Variants in RSRP1 observed in about 807,000 individuals in gnomAD.
RSRP1 encodes the protein arginine and serine rich protein 1.
A neutral mutation model predicts 33.0 loss-of-function variants in RSRP1; 37 were observed. The observed-to-expected ratio is 1.12, with a 90% CI of 0.86 to 1.48. RSRP1 has a LOEUF of 1.48. Among genes scored for constraint, RSRP1 ranks in the 40% most tolerant of loss-of-function variants. The pLI is 0.00. For missense variants in RSRP1, 402 were observed against 385.3 expected, an observed-to-expected ratio of 1.04 and a Z score of -0.36; for synonymous variants, 167 against 158.7, an observed-to-expected ratio of 1.05 and a Z score of -0.40.
At chr1:25,282,380 C>T (rs1220999012) in intron 1 of RSRP1, among the ~76,000 whole-genome samples, 1 of 131,002 alleles carries the variant, frequency 7.6e-6, no homozygotes, top group African/African-American at 2.6e-5. Context: ...TTACAGGTGC[C>T]CACCACCACA....
chr1:25,245,910 C>T (rs923533327), intron 2 of RSRP1: 1 of 155,124 alleles, frequency 6.4e-6, no homozygotes. Flanking sequence ...ACCACCACCC[C>T]CGGCTAATTT....
At position 25,331,787 on chromosome 1, in the gene RSRP1, T is replaced by G. The variant is rs1645015048; in HGVS notation, c.-67+6191A>C. Among the ~76,000 whole-genome samples, 2 of 110,700 alleles carry G rather than the reference T, an allele frequency of 1.8e-5. 1 individual carries two copies. Among genetic ancestry groups the G allele is most frequent in the Non-Finnish European group, 4.2e-5 (2 of 47,942 alleles). 72.6% of individuals were successfully genotyped at this position (110,700 alleles called of 152,430 possible). ...CGGAGTCTCGCTCTGTTACCCAGGC[T>G]GGAGTGCAGTGGCGCGATCTCGGCT... On this transcript the variant is annotated intron_variant, in intron 1 of 1. Transcript: ENST00000561867.
chr1:25,244,215 C>T, intron 3 of RSRP1: 2 of 1,289,258 alleles, frequency 1.6e-6, no homozygotes, highest in Non-Finnish European at 2.0e-6. Context: ...TCTGTAATCT[C>T]TCAAAACATC....
rs1639525304 is a variant in RSRP1 at position 25,247,166 on chromosome 1, G to A, written c.-66-137C>T. ...CCGCCGCGACAGGAACCGAGCCCTAGAAACCCCGCTCGGCGCCCTGAGGCC... is the reference window on the plus strand; with the variant it reads ...CCGCCGCGACAGGAACCGAGCCCTAAAAACCCCGCTCGGCGCCCTGAGGCC... On this transcript the variant is annotated intron_variant, in intron 1 of 4. Transcript: ENST00000243189. 5.6e-6 allele frequency: 3 copies of A among 540,194 alleles called. No homozygotes were observed. The South Asian group carries it at 1.0e-4, about 18-fold the overall frequency. 33.5% of individuals were successfully genotyped at this position (540,194 alleles called of 1,614,324 possible).
intron 1 of RSRP1, among the ~76,000 whole-genome samples, chr1:25,298,864 ACACG>A (rs2124667106): frequency 7.7e-6 from 1 of 129,454 alleles, no homozygotes; most frequent in Admixed American, 7.5e-5. Flanking sequence ...GAGAAAAGAA[ACACG>A]AAAAGTTGGG....
rs138848224 is a variant in RSRP1, at chr1:25,320,520, A to T, written c.-67+17458T>A. Among the ~76,000 whole-genome samples, 180 of 128,864 alleles carry T rather than the reference A, an allele frequency of 1.4e-3. 1 individual carries two copies. The highest frequency in any genetic ancestry group is 4.5e-3 in the African/African-American group (162 of 36,066). The allele number at this position is 128,864 out of a possible 152,430, so 84.5% of individuals were successfully genotyped here. ...TGGTTGTACCCTGCATGCCAATATC[A>T]GCTAAAAGCAGCACCACGAAAGGGA... On this transcript the variant is annotated intron_variant, in intron 1 of 1. Coordinates refer to the RSRP1 transcript ENST00000561867.
chr1:25,315,976 T>A (rs1361288431), intron 1 of RSRP1, among the ~76,000 whole-genome samples: 2 of 131,490 alleles, frequency 1.5e-5, no homozygotes, highest in East Asian at 3.9e-4. Flanking sequence ...GGCTTGGAGC[T>A]TTGCTTTGTC....
chr1:25,296,910 G>A lies in RSRP1; in HGVS notation c.-67+41068C>T, dbSNP rs1400429810. 6.9e-5 allele frequency among the ~76,000 whole-genome samples: 9 copies of A among 130,466 alleles called. 1 individual carries two copies. The East Asian group carries it at 1.4e-3, about 20-fold the overall frequency. The allele number at this position is 130,466 out of a possible 152,430, so 85.6% of individuals were successfully genotyped here. A position where few individuals can be genotyped will look rare whatever the true frequency, so the allele number is the denominator to read the frequency against. On this transcript the variant is annotated intron_variant, in intron 1 of 1. Coordinates refer to the RSRP1 transcript ENST00000561867. Reference sequence around the variant, plus strand: ...AGTCTCAGGAAGTATCTTTATAGCAGTGTGAAAACAGACTAACACAATTTC... The same window carrying A: ...AGTCTCAGGAAGTATCTTTATAGCAATGTGAAAACAGACTAACACAATTTC...
intron 1 of RSRP1, chr1:25,300,907 G>A (rs1375465973): frequency 7.3e-7 from 1 of 1,369,472 alleles, no homozygotes; most frequent in Admixed American, 1.8e-5. Context: ...CCGGGCAGAG[G>A]ATGCCGACAC....
intron 1 of RSRP1, among the ~76,000 whole-genome samples, chr1:25,302,580 A>G (rs1313281652): frequency 7.7e-6 from 1 of 130,158 alleles, no homozygotes; most frequent in African/African-American, 2.7e-5. Context: ...AGGGTGTCAG[A>G]TAAGAGCAAG....
intron 1 of RSRP1, among the ~76,000 whole-genome samples, chr1:25,313,282 G>A (rs1224389287): frequency 1.5e-5 from 2 of 131,978 alleles, no homozygotes; most frequent in African/African-American, 5.2e-5. Context: ...GATGCCAGCA[G>A]CATGTTCTTG....
At chr1:25,303,746 G>A (rs1643582569) in intron 1 of RSRP1, among the ~76,000 whole-genome samples, 1 of 131,284 alleles carries the variant, frequency 7.6e-6, no homozygotes, top group African/African-American at 2.6e-5. Flanking sequence ...GAGTGTTGTG[G>A]GGAGCCCCGA....
intron 3 of RSRP1, chr1:25,244,558 G>A (rs2124531351): frequency 7.8e-7 from 1 of 1,287,318 alleles, no homozygotes; most frequent in Non-Finnish European, 1.0e-6. Context: ...AGAATTTGTG[G>A]GAACATAATG....
intron 1 of RSRP1, chr1:25,301,608 C>G (rs1396582523): frequency 1.4e-6 from 2 of 1,380,120 alleles, no homozygotes; most frequent in Admixed American, 1.8e-5. Flanking sequence ...TGTTCAACAC[C>G]TACTATGCTG....
At chr1:25,244,447 C>G in intron 3 of RSRP1, 1 of 1,289,374 alleles carries the variant, frequency 7.8e-7, no homozygotes, top group South Asian at 1.2e-5. Context: ...GCCCATGTAT[C>G]AATTACCAAC....
upstream of RSRP1, among the ~76,000 whole-genome samples, chr1:25,249,057 G>A (rs754299502): frequency 3.3e-5 from 5 of 152,172 alleles, no homozygotes; most frequent in Admixed American, 1.3e-4. Flanking sequence ...GCTGAGGCAG[G>A]AGAATTGCTT....
At position 25,259,889 on chromosome 1, in the gene RSRP1, C is replaced by T. The variant is rs613918; in HGVS notation, c.-66-12860G>A. Among the ~76,000 whole-genome samples the T allele has an allele frequency of 2.2e-3, 328 of 152,258 alleles. 1 individual carries two copies. The highest frequency in any genetic ancestry group is 6.7e-3 in the African/African-American group (280 of 41,544). ...GCAGTGCTTGTGATTCAGGCTTCCA[C>T]TGAGACCAAGGGGAGAACCTGGTTG... On this transcript the variant is annotated intron_variant, in intron 1 of 1. Transcript: ENST00000561867.
At chr1:25,308,306 T>C (rs28374144) in intron 1 of RSRP1, among the ~76,000 whole-genome samples, 101,051 of 108,828 alleles carry the variant, frequency 0.93, 48,199 homozygotes, top group Non-Finnish European at 1. Flanking sequence ...CCTGCATCAC[T>C]TGGAAACTTG....
At chr1:25,303,040 T>C (rs2124680141) in intron 1 of RSRP1, among the ~76,000 whole-genome samples, 1 of 131,638 alleles carries the variant, frequency 7.6e-6, no homozygotes, top group African/African-American at 2.6e-5. Context: ...ATGAGTGTGA[T>C]GGGTGCCTAG....
Sources: gnomAD v4.1 joint callset for allele counts (sites outside exome capture counted in the v4.1 genomes callset) on GRCh38, gnomAD v4.1.1 for gene constraint, MANE v1.5 for transcripts, NCBI Gene and HGNC (gene_info 2026-07-23, HGNC 2026-07-21) for gene names.